Variants in RHOH observed in about 807,000 individuals in gnomAD.
RHOH encodes the protein rho-related GTP-binding protein RhoH.
RHOH carries 6 observed loss-of-function variants against 13.8 expected under a neutral mutation model. The observed-to-expected ratio is 0.44, with a 90% CI of 0.24 to 0.86. The LOEUF is 0.86. Among genes scored for constraint, RHOH ranks in the 40% least tolerant of loss-of-function variants. The pLI is 0.24. For synonymous variants in RHOH, 117 were observed against 103.0 expected (o/e 1.14, Z -0.82); for missense variants, 147 against 244.5 (o/e 0.60, Z 2.66).
Position 40,218,225 on chromosome 4 carries a change from C to T in RHOH, c.-331+20925C>T, listed in dbSNP as rs1208078197. On this transcript the variant is annotated intron_variant, in intron 1 of 2. Coordinates refer to ENST00000381799, the MANE Select transcript of RHOH (RefSeq NM_004310.5). This position sits in a 1 kb window ranked among gnomAD's most constrained non-coding sequence, Gnocchi z 4.1. Reference sequence around the variant, plus strand: ...CCTCTAGGCCTCTCAGCCTCCTTGGCCACGTGGTTGTTCTGCTACTGAGAG... The same window carrying T: ...CCTCTAGGCCTCTCAGCCTCCTTGGTCACGTGGTTGTTCTGCTACTGAGAG... 6.6e-6 allele frequency: 1 copy of T among 152,162 alleles called. No individual in the cohort carries two copies. Among genetic ancestry groups the T allele is most frequent in the Non-Finnish European group, 1.5e-5 (1 of 68,026 alleles). The allele number at this position is 152,162 out of a possible 1,614,324, so 9.4% of individuals were successfully genotyped here.
Position 40,233,126 on chromosome 4 carries a change from C to T in RHOH, c.-330-9588C>T, listed in dbSNP as rs140479866. The stretch of plus-strand genomic sequence containing the variant: ...ATTATAATAATGGTAAATACTTCTA[C>T]GGTACTCACTCTGTGCCAGGCACTA... On this transcript the variant is annotated intron_variant, in intron 1 of 2. Transcript: ENST00000381799. Among the ~76,000 whole-genome samples, 341 of 152,294 alleles carry T rather than the reference C, an allele frequency of 2.2e-3. 2 individuals carry two copies. The highest frequency in any genetic ancestry group is 7.7e-3 in the African/African-American group (319 of 41,560).
chr4:40,207,105 G>T (rs1017010932), intron 1 of RHOH, among the ~76,000 whole-genome samples: 1 of 151,908 alleles, frequency 6.6e-6, no homozygotes, highest in Non-Finnish European at 1.5e-5. Context: ...TACTCGGGAG[G>T]CTGAGGCAGG....
intron 1 of RHOH, among the ~76,000 whole-genome samples, chr4:40,224,593 A>G (rs764832420): frequency 1.3e-5 from 2 of 152,264 alleles, no homozygotes; most frequent in Non-Finnish European, 2.9e-5. Context: ...TATTATCACC[A>G]TGCGCTGGCA....
intron 1 of RHOH, among the ~76,000 whole-genome samples, chr4:40,202,073 C>G (rs926356553): frequency 3.3e-5 from 5 of 151,460 alleles, no homozygotes; most frequent in African/African-American, 1.2e-4. Flanking sequence ...GCCTTAGCCT[C>G]CCAAGTAGCT....
chr4:40,217,956 A>G (rs1043495736), intron 1 of RHOH: 4 of 152,174 alleles, frequency 2.6e-5, no homozygotes, highest in African/African-American at 9.7e-5. Context: ...CTAAGAGCAG[A>G]TGGTCAGGGA....
rs374396877 is a variant in RHOH, at chr4:40,234,853, G to A, written c.-330-7861G>A. Among the ~76,000 whole-genome samples the A allele has an allele frequency of 6.8e-5, 10 of 147,068 alleles. No individual in the cohort carries two copies. In the East Asian group the frequency reaches 1.0e-3, roughly 15 times the overall value. On this transcript the variant is annotated intron_variant, in intron 1 of 2. Coordinates refer to ENST00000381799, the MANE Select transcript of RHOH (RefSeq NM_004310.5). ...GGTCCTTCCACATCAGCCTCCCAAA[G>A]CACTGGGATTACAAATGTGAGCCAC... is the stretch of plus-strand genomic sequence containing the variant.
At chr4:40,232,099 G>A (rs994319156) in intron 1 of RHOH, among the ~76,000 whole-genome samples, 2 of 152,186 alleles carry the variant, frequency 1.3e-5, no homozygotes, top group African/African-American at 4.8e-5. Flanking sequence ...GTCTGGTGTT[G>A]CCATTAGACT....
At chr4:40,202,900 C>A (rs1335443833) in intron 1 of RHOH, among the ~76,000 whole-genome samples, 1 of 152,080 alleles carries the variant, frequency 6.6e-6, no homozygotes. Flanking sequence ...TAGGGGCTGA[C>A]ACCAGAAAGG....
rs1397149669 is a variant in RHOH, at chr4:40,246,561, GT to G, written c.*2600del. On this transcript the variant is annotated 3_prime_UTR_variant, in exon 3 of 3. Coordinates refer to ENST00000381799, the MANE Select transcript of RHOH (RefSeq NM_004310.5). ...TCTGGCAGAAATGGAGCCGATAAGT[GT>G]CTGTCTTCCTGCTAGACTGCTGTTC... The G allele has an allele frequency of 2.0e-5, 3 of 152,346 alleles. No homozygotes were observed. The highest frequency in any genetic ancestry group is 7.2e-5 in the African/African-American group (3 of 41,462). 9.4% of individuals were successfully genotyped at this position (152,346 alleles called of 1,614,324 possible).
intron 1 of RHOH, among the ~76,000 whole-genome samples, chr4:40,206,026 A>G (rs973379053): frequency 1.3e-5 from 2 of 152,244 alleles, no homozygotes; most frequent in African/African-American, 4.8e-5. Flanking sequence ...ATATTGCATC[A>G]TACAGTCACA....
chr4:40,195,354 T>TTTCCTTCCTTCCTTCCTTCC (rs376202855), upstream of RHOH, among the ~76,000 whole-genome samples: 48 of 92,046 alleles, frequency 5.2e-4, no homozygotes, highest in South Asian at 2.3e-3. Flanking sequence ...CTTTCTTTCT[T>TTTCCTTCCTTCCTTCCTTCC]TTCCTTCCTT....
chr4:40,207,078 G>T (rs557786271), intron 1 of RHOH, among the ~76,000 whole-genome samples: 1 of 151,962 alleles, frequency 6.6e-6, no homozygotes, highest in Admixed American at 6.6e-5. Context: ...ATGGTGGCAG[G>T]CACCTTTAAT....
At chr4:40,234,744 CTTTTTTTT>C (rs549802852) in intron 1 of RHOH, among the ~76,000 whole-genome samples, 18 of 101,094 alleles carry the variant, frequency 1.8e-4, no homozygotes, top group East Asian at 1.0e-3. Flanking sequence ...AAATCAGCAT[CTTTTTTTT>C]TTTTTTTTTT....
intron 1 of RHOH, among the ~76,000 whole-genome samples, chr4:40,216,875 G>T (rs1318916312): frequency 6.6e-6 from 1 of 152,204 alleles, no homozygotes; most frequent in East Asian, 1.9e-4. Context: ...TGATCTTTCA[G>T]ATTTTGACTA....
Position 40,208,036 on chromosome 4 carries a change from A to G in RHOH, c.-331+10736A>G, listed in dbSNP as rs545378514. Among the ~76,000 whole-genome samples, 5 of 152,238 alleles carry G rather than the reference A, an allele frequency of 3.3e-5. No individual in the cohort carries two copies. In the East Asian group the frequency reaches 9.6e-4, roughly 29 times the overall value. ...AATTGTGTTAAAAAAAAAAATCACC[A>G]GCGTTTTCAGCCTACGTTTATATCT... On this transcript the variant is annotated intron_variant, in intron 1 of 2. Coordinates refer to ENST00000381799, the MANE Select transcript of RHOH (RefSeq NM_004310.5).
intron 1 of RHOH, among the ~76,000 whole-genome samples, chr4:40,199,912 A>G (rs1723737563): frequency 6.6e-6 from 1 of 152,166 alleles, no homozygotes. Context: ...AAAAATGCAA[A>G]TCCACCTGGC....
chr4:40,243,213 G>A lies in RHOH; in HGVS notation c.-174G>A, dbSNP rs1385735094. 8 of 504,316 alleles carry A rather than the reference G, an allele frequency of 1.6e-5. No homozygotes were observed. Among genetic ancestry groups the A allele is most frequent in the South Asian group, 8.2e-5 (2 of 24,372 alleles). 31.2% of individuals were successfully genotyped at this position (504,316 alleles called of 1,614,324 possible). A position where few individuals can be genotyped will look rare whatever the true frequency, so the allele number is the denominator to read the frequency against. On this transcript the variant is annotated 5_prime_UTR_variant, in exon 3 of 3. Transcript: ENST00000381799. The surrounding 1 kb of genome is among the most constrained non-coding windows in gnomAD (Gnocchi z 6.2). ...GGCTTTGGAGGTTTTCAAAGCAGAC[G>A]GTGCTTGGATGGGCAGGGAGAAGTA... is the stretch of plus-strand genomic sequence containing the variant.
intron 1 of RHOH, among the ~76,000 whole-genome samples, chr4:40,203,441 T>C (rs1724267933): frequency 6.6e-6 from 1 of 152,182 alleles, no homozygotes; most frequent in South Asian, 2.1e-4. Flanking sequence ...CTGATGTGAA[T>C]TGCCTGCAGA....
intron 1 of RHOH, among the ~76,000 whole-genome samples, chr4:40,199,013 T>C (rs376990891): frequency 6.6e-6 from 1 of 152,242 alleles, no homozygotes; most frequent in East Asian, 1.9e-4. Flanking sequence ...TTGAGCCAGA[T>C]CACTTTGCAT....
Sources: allele counts gnomAD v4.1 joint callset (sites outside exome capture counted in the v4.1 genomes callset), GRCh38; gene constraint gnomAD v4.1.1; non-coding constraint Gnocchi (gnomAD v3.1); transcripts MANE v1.5; gene names NCBI Gene and HGNC (gene_info 2026-07-23, HGNC 2026-07-21).